SYNJ1: variants seen among roughly 807,000 people sequenced by gnomAD.
SYNJ1 encodes the protein polyphosphatidylinositol phosphatase SYNJ1.
SYNJ1 carries 78 observed loss-of-function variants against 168.2 expected under a neutral mutation model. The observed-to-expected ratio is 0.46, with a 90% CI of 0.39 to 0.56. SYNJ1 has a LOEUF of 0.56. Among genes scored for constraint, SYNJ1 ranks in the 20% least tolerant of loss-of-function variants. The pLI is 0.00. For synonymous variants in SYNJ1, 539 were observed against 548.6 expected (o/e 0.98, Z 0.24); for missense variants, 1,303 against 1,597.6 (o/e 0.82, Z 3.14).
At chr21:32,681,138 C>G (rs1343633457) in intron 11 of SYNJ1, among the ~76,000 whole-genome samples, 1 of 151,954 alleles carries the variant, frequency 6.6e-6, no homozygotes, top group Non-Finnish European at 1.5e-5. Context: ...ATTAAGAGGT[C>G]TATGGTTTTA....
At chr21:32,684,253 C>A in intron 9 of SYNJ1, 134 bp from the exon 10 acceptor site, 2 of 735,974 alleles carry the variant, frequency 2.7e-6, no homozygotes, top group Admixed American at 2.7e-5. Flanking sequence ...TTCAAATATA[C>A]AAAAAAAATT....
chr21:32,685,122 C>T (rs1418431251), intron 9 of SYNJ1, among the ~76,000 whole-genome samples: 1 of 145,632 alleles, frequency 6.9e-6, no homozygotes, highest in Non-Finnish European at 1.5e-5. Flanking sequence ...GCGGAGCTTG[C>T]AGTGAGCCAA....
intron 13 of SYNJ1, 28 bp downstream of exon 13, chr21:32,676,301 TTTA>T: frequency 6.5e-7 from 1 of 1,531,342 alleles, no homozygotes; most frequent in Non-Finnish European, 8.8e-7. Flanking sequence ...AAAAATTGCT[TTTA>T]TTTATAGATT....
chr21:32,672,742 G>A lies in SYNJ1; in HGVS notation c.1726+598C>T, dbSNP rs146088076. Among the ~76,000 whole-genome samples, 400 of 152,204 alleles carry A rather than the reference G, an allele frequency of 2.6e-3. 4 individuals are homozygous for A. Among genetic ancestry groups the A allele is most frequent in the African/African-American group, 9.3e-3 (388 of 41,504 alleles). ...ACTGAATGCCAACAAAGTTTTTCAA[G>A]GATAAACCAGTGCTCTTAAGTTATT... On this transcript the variant is annotated intron_variant, in intron 14 of 32. Transcript: ENST00000674351.
chr21:32,633,004 CA>C (rs1422839686), intron 32 of SYNJ1, among the ~76,000 whole-genome samples: 1 of 152,008 alleles, frequency 6.6e-6, no homozygotes, highest in East Asian at 1.9e-4. Context: ...TGGGCAAGAG[CA>C]AAACTCCGCC....
rs180855035 is a variant in SYNJ1, at chr21:32,687,189, G to T, written c.852-115C>A. On this transcript the variant is annotated intron_variant, in intron 7 of 32. Coordinates refer to ENST00000674351, the MANE Select transcript of SYNJ1 (RefSeq NM_203446.3). ...ATGGCAGTATTTTAAACACAGAATT[G>T]GAAAACTGGGTGCGAATTCATTGTA... The T allele has an allele frequency of 1.7e-3, 914 of 550,718 alleles. 2 individuals are homozygous for T. The highest frequency in any genetic ancestry group is 2.4e-3 in the Non-Finnish European group (827 of 340,052). 34.1% of individuals were successfully genotyped at this position (550,718 alleles called of 1,614,324 possible). A position where few individuals can be genotyped will look rare whatever the true frequency, so the allele number is the denominator to read the frequency against.
At chr21:32,677,338 G>A (rs2041451835) in intron 12 of SYNJ1, among the ~76,000 whole-genome samples, 1 of 152,120 alleles carries the variant, frequency 6.6e-6, no homozygotes, top group Non-Finnish European at 1.5e-5. Context: ...TGCTCAAACA[G>A]TTCCCTAATA....
chr21:32,706,432 G>T (rs1291487782), intron 2 of SYNJ1, among the ~76,000 whole-genome samples: 13 of 151,424 alleles, frequency 8.6e-5, no homozygotes, highest in Admixed American at 8.5e-4. Flanking sequence ...GTATTTGGGG[G>T]TGATGGGTCA....
intron 13 of SYNJ1, 146 bp downstream of exon 13, chr21:32,676,186 A>T: frequency 2.0e-6 from 1 of 510,968 alleles, no homozygotes; most frequent in Non-Finnish European, 3.3e-6. Context: ...TTCTCAGATT[A>T]AAACAAGATA....
chr21:32,701,772 G>T (rs2042411265), intron 3 of SYNJ1, among the ~76,000 whole-genome samples, 189 bp downstream of exon 3: 1 of 152,100 alleles, frequency 6.6e-6, no homozygotes, highest in South Asian at 2.1e-4. Context: ...ATGAGTTTGA[G>T]CATGTAGCAC....
At chr21:32,727,475 G>A (rs996875071) in intron 1 of SYNJ1, among the ~76,000 whole-genome samples, 38 of 152,290 alleles carry the variant, frequency 2.5e-4, no homozygotes, top group African/African-American at 8.9e-4. Context: ...CGCCTCTCCT[G>A]CCCCGGGCTA....
chr21:32,658,063 C>T (rs980173840), intron 18 of SYNJ1, among the ~76,000 whole-genome samples, 191 bp from the exon 19 acceptor site: 1 of 152,148 alleles, frequency 6.6e-6, no homozygotes, highest in African/African-American at 2.4e-5. Flanking sequence ...ATTTTTCATA[C>T]CCATAGGGAC....
intron 11 of SYNJ1, 21 bp from the exon 12 acceptor site, chr21:32,678,822 G>A (rs764030506): frequency 1.9e-6 from 3 of 1,591,426 alleles, no homozygotes; most frequent in South Asian, 2.3e-5. Flanking sequence ...TGTTAAGAAA[G>A]GAGCGCAGAT....
chr21:32,666,979 A>G (rs2040960268), intron 15 of SYNJ1, among the ~76,000 whole-genome samples: 1 of 152,210 alleles, frequency 6.6e-6, no homozygotes, highest in Non-Finnish European at 1.5e-5. Context: ...ATACTTGCAT[A>G]TAACCCATGT....
chr21:32,722,689 A>G (rs1375210177), intron 2 of SYNJ1, among the ~76,000 whole-genome samples: 2 of 152,208 alleles, frequency 1.3e-5, no homozygotes, highest in Non-Finnish European at 2.9e-5. Context: ...AAGTATGAGT[A>G]AAACACTACA....
rs61750220 is a variant in SYNJ1, at chr21:32,638,903, C to A, written c.3915+5G>T. 3,693 of 1,588,414 alleles carry A rather than the reference C, an allele frequency of 2.3e-3. 88 individuals carry two copies. In the African/African-American group the frequency reaches 0.044, roughly 19 times the overall value. On this transcript the variant is annotated splice_donor_5th_base_variant and intron_variant, in intron 31 of 32. Coordinates refer to ENST00000674351, the MANE Select transcript of SYNJ1 (RefSeq NM_203446.3). The stretch of plus-strand genomic sequence containing the variant: ...ATAATATTTTGTGTAACAAATGAGA[C>A]TTACTTGCGGTTGTGAGGAAGCTTC...
intron 2 of SYNJ1, among the ~76,000 whole-genome samples, chr21:32,703,698 T>C (rs2042493391): frequency 6.6e-6 from 1 of 152,206 alleles, no homozygotes; most frequent in South Asian, 2.1e-4. Flanking sequence ...CAGGAGGCAG[T>C]AGGAGTTAAG....
upstream of SYNJ1, chr21:32,728,240 G>A (rs1054775069): frequency 1.3e-4 from 76 of 602,386 alleles, no homozygotes; most frequent in Middle Eastern, 1.4e-3. Flanking sequence ...GCAGGGAGAG[G>A]GAAGATCTGG....
At chr21:32,653,829 T>C (rs1382704078) in intron 21 of SYNJ1, 2 of 152,054 alleles carry the variant, frequency 1.3e-5, no homozygotes, top group Admixed American at 1.3e-4. Flanking sequence ...AAGATGAGAG[T>C]TGCCAGTGAA....
Sources: gnomAD v4.1 joint callset for allele counts (sites outside exome capture counted in the v4.1 genomes callset) on GRCh38, gnomAD v4.1.1 for gene constraint, MANE v1.5 for transcripts, NCBI Gene and HGNC (gene_info 2026-07-23, HGNC 2026-07-21) for gene names.